The following GNG8 variants were observed in gnomAD, a reference collection of about 807,000 sequenced individuals.
The protein encoded by GNG8 is G protein subunit gamma 8.
GNG8 carries 3 observed loss-of-function variants against 4.6 expected under a neutral mutation model. The observed-to-expected ratio is 0.65, with a 90% CI of 0.29 to 1.67. GNG8 has a LOEUF of 1.67. Ranked by LOEUF, GNG8 falls within the 40% of genes most tolerant of loss-of-function variation. The probability of loss-of-function intolerance (pLI) is 0.10; values close to 1 mark genes in which losing one functional copy is unlikely to be tolerated. For synonymous variants in GNG8, 32 were observed against 40.5 expected (o/e 0.79, Z 0.80); for missense variants, 88 against 95.2 (o/e 0.92, Z 0.32).
chr19:46,639,247 G>T (rs1179912800), upstream of GNG8: 2 of 152,436 alleles, frequency 1.3e-5, no homozygotes, highest in Non-Finnish European at 2.9e-5. This position sits in a 1 kb window ranked among gnomAD's most constrained non-coding sequence, Gnocchi z 5.2. Flanking sequence ...CCGGGGCGGG[G>T]TTTCTAAGGG....
At chr19:46,634,780 G>T in intron 1 of GNG8, 55 bp from the exon 2 acceptor site, 2 of 950,752 alleles carry the variant, frequency 2.1e-6, no homozygotes, top group Non-Finnish European at 3.3e-6. Context: ...GAGAGGGCGG[G>T]CCCCGGTAAC....
chr19:46,634,401 C>T (rs2052849621), intron 2 of GNG8, among the ~76,000 whole-genome samples, 197 bp from the exon 3 acceptor site: 6 of 140,084 alleles, frequency 4.3e-5, no homozygotes, highest in Admixed American at 4.2e-4. Context: ...CTCCCCTGCC[C>T]CATCCCTCCC....
At position 46,634,894 on chromosome 19, in the gene GNG8, G is replaced by A. The variant is rs563050997; in HGVS notation, c.-43-169C>T. ...AAGAGGAGCGATGGAGGGGTGCACGGATGGAGGTAGCTAAGGCAGGTGGGG... is the reference window on the plus strand; with the variant it reads ...AAGAGGAGCGATGGAGGGGTGCACGAATGGAGGTAGCTAAGGCAGGTGGGG... On this transcript the variant is annotated intron_variant, in intron 1 of 2. Coordinates refer to ENST00000693335, the MANE Select transcript of GNG8 (RefSeq NM_033258.2). Among the ~76,000 whole-genome samples, 5 of 152,108 alleles carry A rather than the reference G, an allele frequency of 3.3e-5. No homozygotes were observed. The South Asian group carries it at 1.0e-3, about 32-fold the overall frequency.
intron 2 of GNG8, 30 bp downstream of exon 2, chr19:46,634,569 C>T: frequency 4.4e-6 from 7 of 1,592,452 alleles, no homozygotes; most frequent in Non-Finnish European, 6.0e-6. Flanking sequence ...GCCCAGAACC[C>T]CCGCCCTATT....
chr19:46,635,414 T>G (rs1599780493), intron 1 of GNG8, among the ~76,000 whole-genome samples: 2 of 130,602 alleles, frequency 1.5e-5, no homozygotes, highest in African/African-American at 2.9e-5. Context: ...AGGAATGAAG[T>G]GATGGAGGAG....
At chr19:46,638,587 C>T (rs971608683), upstream of GNG8, 1 of 153,220 alleles carries the variant, frequency 6.5e-6, no homozygotes, top group Non-Finnish European at 1.5e-5. This position sits in a 1 kb window ranked among gnomAD's most constrained non-coding sequence, Gnocchi z 4.7. Context: ...CCAGATGTCT[C>T]ACGCCGTCTC....
upstream of GNG8, chr19:46,637,202 T>C (rs1470128632): frequency 6.6e-6 from 1 of 152,230 alleles, no homozygotes; most frequent in Non-Finnish European, 1.5e-5. Context: ...ACACACTGTT[T>C]TATAGTATTT....
chr19:46,634,735 T>A lies in GNG8; in HGVS notation c.-43-10A>T. The A allele has an allele frequency of 1.4e-6, 2 of 1,428,670 alleles. No individual in the cohort carries two copies. The highest frequency in any genetic ancestry group is 1.9e-6 in the Non-Finnish European group (2 of 1,026,750). The allele number at this position is 1,428,670 out of a possible 1,614,324, so 88.5% of individuals were successfully genotyped here. On this transcript the variant is annotated splice_polypyrimidine_tract_variant and intron_variant, in intron 1 of 2. Coordinates refer to ENST00000693335, the MANE Select transcript of GNG8 (RefSeq NM_033258.2). ...CGCGCGGGAGTGGGGGCTGTGGGGG[T>A]AGGTTAGGATACGTCTGGGTCCCGA...
At position 46,634,045 on chromosome 19, in the gene GNG8, T is replaced by A; in HGVS notation, c.*31A>T. ...TTACCAAGTTTATTGGATCCATACT[T>A]TGGCAGGGGAGGGTAAGCTGTCCGG... On this transcript the variant is annotated 3_prime_UTR_variant, in exon 3 of 3. Coordinates refer to ENST00000693335, the MANE Select transcript of GNG8 (RefSeq NM_033258.2). 6.3e-7 allele frequency: 1 copy of A among 1,592,966 alleles called. No homozygotes were observed. Among genetic ancestry groups the A allele is most frequent in the Non-Finnish European group, 8.6e-7 (1 of 1,167,732 alleles).
At chr19:46,634,251 G>C (rs1181585825) in intron 2 of GNG8, 47 bp from the exon 3 acceptor site, 22 of 1,564,122 alleles carry the variant, frequency 1.4e-5, no homozygotes, top group Non-Finnish European at 1.9e-5. Flanking sequence ...CGGCTCCTTG[G>C]AGCCGCCCAC....
intron 1 of GNG8, 97 bp from the exon 2 acceptor site, chr19:46,634,822 G>A: frequency 1.5e-6 from 1 of 661,100 alleles, no homozygotes; most frequent in Admixed American, 2.2e-5. Flanking sequence ...CGTGAATGGG[G>A]TGGCCAGGGG....
In GNG8 at chr19:46,634,002, G is replaced by T; in HGVS notation, c.*74C>A. On this transcript the variant is annotated 3_prime_UTR_variant, in exon 3 of 3. Coordinates refer to ENST00000693335, the MANE Select transcript of GNG8 (RefSeq NM_033258.2). ...TGTGCGTGCCTCAGTCTCCCTGAAAGCACAGGCACCACCACAGTTACCAAG... is the reference window on the plus strand; with the variant it reads ...TGTGCGTGCCTCAGTCTCCCTGAAATCACAGGCACCACCACAGTTACCAAG... 6.6e-7 allele frequency: 1 copy of T among 1,521,994 alleles called. No homozygotes were observed. Among genetic ancestry groups the T allele is most frequent in the Non-Finnish European group, 8.9e-7 (1 of 1,124,086 alleles). The allele number at this position is 1,521,994 out of a possible 1,614,324, so 94.3% of individuals were successfully genotyped here.
rs762794784 is a variant in GNG8 at position 46,634,623 on chromosome 19, C to T, written c.60G>A (p.Leu20=). The change falls in exon 2 of 3, where the codon CTG becomes CTA. Residue 20 remains leucine (L), a synonymous_variant. Transcript: ENST00000693335. The part of the protein sequence containing the change: ...EARKTVEQLK[L]EVNIDRMKVS... ...CCTTCATGCGGTCGATGTTCACCTCCAGCTTCAGCTGTTCCACCGTCTTGC... is the reference window on the plus strand; with the variant it reads ...CCTTCATGCGGTCGATGTTCACCTCTAGCTTCAGCTGTTCCACCGTCTTGC... The T allele has an allele frequency of 3.1e-6, 5 of 1,613,192 alleles. No individual in the cohort carries two copies. Among genetic ancestry groups the T allele is most frequent in the Non-Finnish European group, 4.2e-6 (5 of 1,179,896 alleles).
In GNG8 at chr19:46,634,685, T is replaced by C; in HGVS notation, c.-3A>G. 6.2e-7 allele frequency: 1 copy of C among 1,612,502 alleles called. No homozygotes were observed. The highest frequency in any genetic ancestry group is 1.1e-5 in the South Asian group (1 of 91,034). On this transcript the variant is annotated 5_prime_UTR_variant, in exon 2 of 3. Coordinates refer to ENST00000693335, the MANE Select transcript of GNG8 (RefSeq NM_033258.2). ...ATCTTGGCCATGTTGTTGGACATGG[T>C]TGCGGCGGGGAAGGGGTTAAAAGAC...
At position 46,634,721 on chromosome 19, in the gene GNG8, G is replaced by T. The variant is rs757680437; in HGVS notation, c.-39C>A. 3.4e-5 allele frequency: 52 copies of T among 1,531,064 alleles called. No individual in the cohort carries two copies. Among genetic ancestry groups the T allele is most frequent in the Admixed American group, 5.0e-5 (3 of 59,412 alleles). The allele number at this position is 1,531,064 out of a possible 1,614,324, so 94.8% of individuals were successfully genotyped here. A position where few individuals can be genotyped will look rare whatever the true frequency, so the allele number is the denominator to read the frequency against. On this transcript the variant is annotated 5_prime_UTR_variant, in exon 2 of 3. Transcript: ENST00000693335. ...AAGGGGTTAAAAGACGCGCGGGAGT[G>T]GGGGCTGTGGGGGTAGGTTAGGATA... is the stretch of plus-strand genomic sequence containing the variant.
chr19:46,639,262 T>A (rs1036189249), upstream of GNG8: 2 of 152,382 alleles, frequency 1.3e-5, no homozygotes, highest in Non-Finnish European at 2.9e-5. This position sits in a 1 kb window ranked among gnomAD's most constrained non-coding sequence, Gnocchi z 5.2. Flanking sequence ...TAAGGGGGCG[T>A]GCCCCTCGGT....
upstream of GNG8, chr19:46,636,748 T>C: frequency 6.6e-6 from 1 of 151,506 alleles, no homozygotes; most frequent in Non-Finnish European, 1.5e-5. Context: ...TGTACCACAG[T>C]GTCACACATA....
chr19:46,634,599 C>T lies in GNG8; in HGVS notation c.84G>A (p.Lys28=). Residue 28 remains lysine, a splice_region_variant and synonymous_variant, in exon 2 of 3, where the codon AAG becomes AAA. Coordinates refer to ENST00000693335, the MANE Select transcript of GNG8 (RefSeq NM_033258.2). ...CCTATTCCCCACCCCGACCCAGCAC[C>T]TTCATGCGGTCGATGTTCACCTCCA... ...LKLEVNIDRM[K]VSQAAAELLA... 1 of 1,612,742 alleles carries T rather than the reference C, an allele frequency of 6.2e-7. No homozygotes were observed. Among genetic ancestry groups the T allele is most frequent in the Non-Finnish European group, 8.5e-7 (1 of 1,179,616 alleles).
At chr19:46,635,069 C>A (rs1338364579) in intron 1 of GNG8, among the ~76,000 whole-genome samples, 1 of 152,034 alleles carries the variant, frequency 6.6e-6, no homozygotes, top group Non-Finnish European at 1.5e-5. Flanking sequence ...CTCCCCCAGG[C>A]CAATTAGCAG....
Sources: gnomAD v4.1 joint callset for allele counts (sites outside exome capture counted in the v4.1 genomes callset) on GRCh38, gnomAD v4.1.1 for gene constraint, Gnocchi (gnomAD v3.1) non-coding constraint, MANE v1.5 for transcripts, NCBI Gene and HGNC (gene_info 2026-07-23, HGNC 2026-07-21) for gene names.